The following BANF2 variants were observed in gnomAD, a reference collection of about 807,000 sequenced individuals.
The protein encoded by BANF2 is BANF family member 2, also known as barrier-to-autointegration factor-like protein.
A neutral mutation model predicts 8.0 loss-of-function variants in BANF2; 4 were observed. The ratio of observed to expected loss-of-function variants is 0.50; its 90% CI spans 0.25 to 1.14. The LOEUF (loss-of-function observed/expected upper bound fraction) is 1.14. BANF2 is among the 50% of genes most tolerant of loss of function. BANF2 has a pLI of 0.16. For missense variants in BANF2, 96 were observed against 107.5 expected (o/e 0.89, Z 0.47); for synonymous variants, 50 against 40.6 (o/e 1.23, Z -0.88).
intron 1 of BANF2, among the ~76,000 whole-genome samples, chr20:17,708,796 A>G (rs1372372740): frequency 1.3e-5 from 2 of 152,138 alleles, no homozygotes; most frequent in African/African-American, 4.8e-5. Context: ...TTTCCCAACA[A>G]TCCAGTGTTG....
chr20:17,694,276 A>G (rs2037323740), intron 1 of BANF2, among the ~76,000 whole-genome samples: 1 of 152,082 alleles, frequency 6.6e-6, no homozygotes, highest in Non-Finnish European at 1.5e-5. Context: ...GAGTGGGAGG[A>G]GGCTATTTTG....
rs923686450 is a variant in BANF2 at position 17,720,291 on chromosome 20, C to T, written c.-166-2425C>T. Among the ~76,000 whole-genome samples, 6 of 152,190 alleles carry T rather than the reference C, an allele frequency of 3.9e-5. No homozygotes were observed. In the East Asian group the frequency reaches 5.8e-4, roughly 15 times the overall value. ...AAAGAGATATTTGTGTACCCATGTT[C>T]GTAGCAGTATTATTCACAACAGCAT... On this transcript the variant is annotated intron_variant, in intron 1 of 3. Coordinates refer to ENST00000246090, the MANE Select transcript of BANF2 (RefSeq NM_178477.5).
upstream of BANF2, among the ~76,000 whole-genome samples, chr20:17,696,261 T>G (rs532462441): frequency 6.6e-6 from 1 of 152,298 alleles, no homozygotes; most frequent in South Asian, 2.1e-4. Flanking sequence ...TACCTTGGCC[T>G]CCCAAATTAC....
Position 17,722,732 on chromosome 20 carries a change from A to G in BANF2, c.-150A>G, listed in dbSNP as rs895909757. 1 of 984,836 alleles carries G rather than the reference A, an allele frequency of 1.0e-6. No individual in the cohort carries two copies. Among genetic ancestry groups the G allele is most frequent in the Non-Finnish European group, 1.2e-6 (1 of 829,426 alleles). The allele number at this position is 984,836 out of a possible 1,614,324, so 61.0% of individuals were successfully genotyped here. ...CCTTCCTAGAATCTGCTGACACATC[A>G]AGGCCACTTTTCTTAGGAGCCCCCT... On this transcript the variant is annotated 5_prime_UTR_variant, in exon 2 of 4. Coordinates refer to ENST00000246090, the MANE Select transcript of BANF2 (RefSeq NM_178477.5).
At chr20:17,708,783 C>T (rs2037525475) in intron 1 of BANF2, among the ~76,000 whole-genome samples, 1 of 152,178 alleles carries the variant, frequency 6.6e-6, no homozygotes, top group Admixed American at 6.5e-5. Context: ...CCAGCTTAAA[C>T]TCTTTCCCAA....
chr20:17,707,794 G>A (rs190456693), intron 1 of BANF2, among the ~76,000 whole-genome samples: 2,390 of 151,810 alleles, frequency 0.016, 30 homozygotes, highest in South Asian at 0.066. Flanking sequence ...TACTCAGGCT[G>A]GTCTCGAACT....
chr20:17,714,424 C>G (rs779754368), intron 1 of BANF2, among the ~76,000 whole-genome samples: 7 of 152,134 alleles, frequency 4.6e-5, no homozygotes, highest in Non-Finnish European at 8.8e-5. Flanking sequence ...AGAAATAGTC[C>G]TGGCTAGAAC....
chr20:17,708,730 G>C (rs74848920), intron 1 of BANF2, among the ~76,000 whole-genome samples: 1,840 of 152,150 alleles, frequency 0.012, 43 homozygotes, highest in African/African-American at 0.042. Context: ...ATGCTCAAAG[G>C]GTGGCTGATT....
intron 3 of BANF2, 113 bp from the exon 4 acceptor site, chr20:17,735,552 G>A (rs1045697854): frequency 2.1e-5 from 27 of 1,295,164 alleles, no homozygotes; most frequent in Admixed American, 7.2e-5. Flanking sequence ...AATCGGCCCT[G>A]CTCCCCCTCC....
intron 1 of BANF2, among the ~76,000 whole-genome samples, chr20:17,706,462 G>A (rs915040230): frequency 1.3e-5 from 2 of 152,086 alleles, no homozygotes; most frequent in Admixed American, 6.5e-5. Flanking sequence ...TCTTCTCTTC[G>A]CCAAGTATAT....
intron 3 of BANF2, among the ~76,000 whole-genome samples, chr20:17,725,767 A>T (rs1473211977): frequency 6.6e-6 from 1 of 152,226 alleles, no homozygotes; most frequent in Non-Finnish European, 1.5e-5. Context: ...GTGAGCACAG[A>T]CAAGGCAGGC....
chr20:17,733,162 G>A (rs1482793597), intron 3 of BANF2, among the ~76,000 whole-genome samples: 1 of 152,258 alleles, frequency 6.6e-6, no homozygotes, highest in Non-Finnish European at 1.5e-5. Flanking sequence ...GTATGTGGAG[G>A]CTCTCACTAA....
At chr20:17,695,829 G>C (rs953080117), upstream of BANF2, among the ~76,000 whole-genome samples, 3 of 152,098 alleles carry the variant, frequency 2.0e-5, no homozygotes, top group African/African-American at 7.2e-5. Flanking sequence ...CATTTAACCT[G>C]TTCCCCCATC....
At chr20:17,708,903 G>A (rs765032650) in intron 1 of BANF2, among the ~76,000 whole-genome samples, 18 of 152,178 alleles carry the variant, frequency 1.2e-4, no homozygotes, top group Admixed American at 2.0e-4. Flanking sequence ...TTGTCCAAGC[G>A]CATGTTTACA....
intron 1 of BANF2, among the ~76,000 whole-genome samples, chr20:17,720,939 C>G (rs1034817974): frequency 1.3e-5 from 2 of 152,164 alleles, no homozygotes; most frequent in African/African-American, 4.8e-5. Flanking sequence ...GTATCTGAGG[C>G]CCGTCCCAGA....
At chr20:17,727,478 G>T (rs970246997) in intron 3 of BANF2, among the ~76,000 whole-genome samples, 2 of 152,206 alleles carry the variant, frequency 1.3e-5, no homozygotes, top group Non-Finnish European at 2.9e-5. Context: ...GTGGCCAGGC[G>T]GTTATGCCCG....
intron 2 of BANF2, among the ~76,000 whole-genome samples, chr20:17,723,851 C>T (rs986941409): frequency 1.3e-5 from 2 of 152,042 alleles, no homozygotes; most frequent in South Asian, 2.1e-4. Context: ...AAAAATTAGC[C>T]GGGTGTGGTG....
chr20:17,693,970 G>C (rs1290524906), intron 1 of BANF2, among the ~76,000 whole-genome samples: 1 of 152,254 alleles, frequency 6.6e-6, no homozygotes, highest in African/African-American at 2.4e-5. Flanking sequence ...GTCTTGGACG[G>C]ATTCCTTCAG....
At chr20:17,729,871 T>C (rs1475787554) in intron 3 of BANF2, among the ~76,000 whole-genome samples, 2 of 152,230 alleles carry the variant, frequency 1.3e-5, no homozygotes, top group African/African-American at 4.8e-5. Context: ...TTCTTTGTAC[T>C]TCTCTTCTCC....
Sources: allele counts gnomAD v4.1 joint callset (sites outside exome capture counted in the v4.1 genomes callset), GRCh38; gene constraint gnomAD v4.1.1; transcripts MANE v1.5; gene names NCBI Gene and HGNC (gene_info 2026-07-23, HGNC 2026-07-21).